WDPCP: variants seen among roughly 807,000 people sequenced by gnomAD.
WDPCP encodes WD repeat containing planar cell polarity effector.
WDPCP carries 71 observed loss-of-function variants against 93.1 expected under a neutral mutation model. The ratio of observed to expected loss-of-function variants is 0.76; its 90% CI spans 0.63 to 0.93. The LOEUF (loss-of-function observed/expected upper bound fraction) is 0.93, where lower values mean the gene tolerates loss of function less well. Ranked by LOEUF, WDPCP falls within the 40% of genes least tolerant of loss-of-function variation. The probability of loss-of-function intolerance (pLI) is 0.00; values close to 1 mark genes in which losing one functional copy is unlikely to be tolerated. For missense variants in WDPCP, 844 were observed against 887.4 expected (o/e 0.95, Z 0.62); for synonymous variants, 315 against 315.0 (o/e 1.00, Z 0.00).
At chr2:63,200,635 C>T (rs751646649) in intron 14 of WDPCP, among the ~76,000 whole-genome samples, 1 of 151,990 alleles carries the variant, frequency 6.6e-6, no homozygotes, top group Admixed American at 6.6e-5. Flanking sequence ...AATGATGGAA[C>T]TCAGAGAGAA....
chr2:63,588,136 C>A, intron 1 of WDPCP, 61 bp downstream of exon 1: 3 of 1,539,014 alleles, frequency 1.9e-6, no homozygotes, highest in Middle Eastern at 3.4e-4. Context: ...GGACGGCGCA[C>A]CAACCGCATT....
Position 63,344,425 on chromosome 2 carries a change from T to C in WDPCP, c.1749-31114A>G, listed in dbSNP as rs376283900. Among the ~76,000 whole-genome samples the C allele has an allele frequency of 5.3e-5, 8 of 152,302 alleles. No homozygotes were observed. In the East Asian group the frequency reaches 1.5e-3, roughly 29 times the overall value. On this transcript the variant is annotated intron_variant, in intron 12 of 17. Coordinates refer to ENST00000272321, the MANE Select transcript of WDPCP (RefSeq NM_015910.7). The stretch of plus-strand genomic sequence containing the variant: ...ACATTCTGCCTTACCATTTCTTTCT[T>C]ACTTGTGCAGACTCTGAAAGTCCTC...
At chr2:63,641,900 T>A (rs1169540014) in intron 3 of WDPCP, among the ~76,000 whole-genome samples, 1 of 152,172 alleles carries the variant, frequency 6.6e-6, no homozygotes, top group Non-Finnish European at 1.5e-5. Context: ...TCCCCAATAT[T>A]TTTTTAGTAG....
intron 13 of WDPCP, among the ~76,000 whole-genome samples, chr2:63,267,517 G>A (rs1394950570): frequency 1.3e-5 from 2 of 152,132 alleles, no homozygotes; most frequent in Non-Finnish European, 2.9e-5. Context: ...ATTATGGACA[G>A]CAAAAGAAGG....
intron 1 of WDPCP, among the ~76,000 whole-genome samples, chr2:63,522,497 A>AC (rs1703017960): frequency 1.1e-3 from 83 of 73,758 alleles, no homozygotes; most frequent in African/African-American, 4.5e-3. Flanking sequence ...CACACACACA[A>AC]ACATACAAAA....
intron 2 of WDPCP, among the ~76,000 whole-genome samples, chr2:63,721,796 G>A (rs1244065425): frequency 6.7e-6 from 1 of 149,542 alleles, no homozygotes; most frequent in Non-Finnish European, 1.5e-5. Context: ...CTGAGCCGAA[G>A]CTGGACTGTA....
chr2:63,421,772 A>G (rs1695882910), intron 9 of WDPCP, among the ~76,000 whole-genome samples: 1 of 152,198 alleles, frequency 6.6e-6, no homozygotes. Context: ...ATGAAGATTA[A>G]AAGAAAGAGA....
At chr2:63,638,737 C>G (rs1475736434) in intron 3 of WDPCP, among the ~76,000 whole-genome samples, 1 of 150,828 alleles carries the variant, frequency 6.6e-6, no homozygotes, top group Non-Finnish European at 1.5e-5. Flanking sequence ...TGCAGTGAGT[C>G]GTGATTACAC....
At chr2:63,697,787 A>G (rs1668980810) in intron 2 of WDPCP, among the ~76,000 whole-genome samples, 1 of 151,454 alleles carries the variant, frequency 6.6e-6, no homozygotes, top group African/African-American at 2.4e-5. Context: ...AGCTGGGACT[A>G]CAGGGGTGTA....
At chr2:63,821,532 T>C (rs1485107430) in intron 1 of WDPCP, among the ~76,000 whole-genome samples, 1 of 152,124 alleles carries the variant, frequency 6.6e-6, no homozygotes, top group Non-Finnish European at 1.5e-5. Context: ...ATTTTACCTG[T>C]AGGTGGCTGG....
At chr2:63,700,402 T>C (rs1285650172) in intron 2 of WDPCP, among the ~76,000 whole-genome samples, 1 of 151,230 alleles carries the variant, frequency 6.6e-6, no homozygotes, top group Non-Finnish European at 1.5e-5. Flanking sequence ...AAAGGTCAGA[T>C]ACAAGACTTT....
At chr2:63,815,091 T>A (rs896739808) in intron 1 of WDPCP, among the ~76,000 whole-genome samples, 2 of 152,202 alleles carry the variant, frequency 1.3e-5, no homozygotes, top group Admixed American at 1.3e-4. Context: ...TACATAATTC[T>A]GTGCCCATTA....
intron 13 of WDPCP, among the ~76,000 whole-genome samples, chr2:63,275,386 G>A (rs74602671): frequency 0.011 from 1,647 of 152,206 alleles, 9 homozygotes; most frequent in Non-Finnish European, 0.018. Context: ...AACAAGAAAA[G>A]GATGCCCACT....
chr2:63,417,433 A>G (rs1397208817), intron 9 of WDPCP, among the ~76,000 whole-genome samples: 2 of 152,064 alleles, frequency 1.3e-5, no homozygotes, highest in African/African-American at 4.8e-5. Flanking sequence ...TCATAATTTT[A>G]AATTTATTTT....
chr2:63,200,072 A>G (rs1026707410), intron 14 of WDPCP, among the ~76,000 whole-genome samples: 3 of 152,204 alleles, frequency 2.0e-5, no homozygotes, highest in Admixed American at 2.0e-4. Flanking sequence ...TGGGGCCTGT[A>G]GTCCCTTTGT....
At chr2:63,604,931 TAGGACAGAAAACCTTAAAGAGGGC>T in intron 3 of WDPCP, 1 of 1,559,944 alleles carries the variant, frequency 6.4e-7, no homozygotes, top group Non-Finnish European at 8.7e-7. Context: ...GAGAGACTCT[TAGGACAGAAAACCTTAAAGAGGGC>T]AGGTCTTTCA....
chr2:63,267,722 C>T (rs1348557318), intron 13 of WDPCP, among the ~76,000 whole-genome samples: 2 of 151,900 alleles, frequency 1.3e-5, no homozygotes, highest in Non-Finnish European at 2.9e-5. Context: ...ACATGAAAAA[C>T]ACTCAACATC....
intron 1 of WDPCP, among the ~76,000 whole-genome samples, chr2:63,530,980 C>T (rs1486477469): frequency 2.0e-5 from 3 of 152,238 alleles, no homozygotes. Flanking sequence ...AATCGGGACA[C>T]TCCCGCCCTA....
intron 3 of WDPCP, among the ~76,000 whole-genome samples, chr2:63,614,548 C>A (rs997326703): frequency 6.6e-6 from 1 of 152,168 alleles, no homozygotes; most frequent in Non-Finnish European, 1.5e-5. Context: ...GGAAGAACCA[C>A]AGAAGCAAAG....
Sources: allele counts gnomAD v4.1 joint callset (sites outside exome capture counted in the v4.1 genomes callset), GRCh38; gene constraint gnomAD v4.1.1; transcripts MANE v1.5; gene names NCBI Gene and HGNC (gene_info 2026-07-23, HGNC 2026-07-21).